Variants in PSD4 observed in about 807,000 individuals in gnomAD.
PSD4 encodes the protein PH and SEC7 domain-containing protein 4.
Under a neutral mutation model 112.5 loss-of-function variants are expected in PSD4, and 59 were observed. The observed-to-expected ratio is 0.52, with a 90% CI of 0.43 to 0.65. The LOEUF (loss-of-function observed/expected upper bound fraction) is 0.65. Ranked by LOEUF, PSD4 falls within the 30% of genes least tolerant of loss-of-function variation. PSD4 has a pLI of 0.00. For synonymous variants in PSD4, 533 were observed against 540.0 expected, an observed-to-expected ratio of 0.99 and a Z score of 0.18; for missense variants, 1,267 against 1,352.6, an observed-to-expected ratio of 0.94 and a Z score of 0.99.
At chr2:113,191,277 T>C (rs1192859276) in intron 5 of PSD4, among the ~76,000 whole-genome samples, 5 of 150,256 alleles carry the variant, frequency 3.3e-5, no homozygotes, top group East Asian at 2.1e-4. Flanking sequence ...TCAGGGATTG[T>C]TTTCTTTTTT....
Position 113,204,838 on chromosome 2 carries a change from G to A in PSD4, c.*3423G>A, listed in dbSNP as rs1688841325. Reference sequence around the variant, plus strand: ...GAGACATATGGAATGTGTCGGGGTTGGAAGGAGCAGGACTGGAGGGTCGGG... The same window carrying A: ...GAGACATATGGAATGTGTCGGGGTTAGAAGGAGCAGGACTGGAGGGTCGGG... On this transcript the variant is annotated 3_prime_UTR_variant, in exon 17 of 17. Coordinates refer to ENST00000245796, the MANE Select transcript of PSD4 (RefSeq NM_012455.3). 1 of 152,274 alleles carries A rather than the reference G, an allele frequency of 6.6e-6. No homozygotes were observed. Among genetic ancestry groups the A allele is most frequent in the South Asian group, 2.1e-4 (1 of 4,830 alleles). 9.4% of individuals were successfully genotyped at this position (152,274 alleles called of 1,614,324 possible).
In PSD4 at chr2:113,197,617, G is replaced by A; in HGVS notation, c.2440G>A (p.Val814Ile). 2 of 1,614,220 alleles carry A rather than the reference G, an allele frequency of 1.2e-6. No homozygotes were observed. Among genetic ancestry groups the A allele is most frequent in the Non-Finnish European group, 1.7e-6 (2 of 1,180,028 alleles). ...GTTCCACACCTTACTGCGAGGGATG[G>A]TTCTCTACTTCCTGAAGGTAGGAAA... ...KMFHTLLRGM[V>I]LYFLKQGEDH... The change falls in exon 13 of 17, where the codon GTT (valine) becomes ATT (isoleucine). Residue 814 changes from valine (V) to isoleucine (I), a missense_variant. This residue lies in a region of PSD4 where 544 missense variants were observed against 648.6 expected (regional missense o/e 0.84). Coordinates refer to ENST00000245796, the MANE Select transcript of PSD4 (RefSeq NM_012455.3).
chr2:113,201,723 C>A lies in PSD4; in HGVS notation c.*308C>A. 2.4e-6 allele frequency: 1 copy of A among 413,036 alleles called. No individual in the cohort carries two copies. Among genetic ancestry groups the A allele is most frequent in the Non-Finnish European group, 4.4e-6 (1 of 225,420 alleles). 25.6% of individuals were successfully genotyped at this position (413,036 alleles called of 1,614,324 possible). Reference sequence around the variant, plus strand: ...GCTCAGCCCATGTCACCCTCCAGGCCCCAGAATCCAGAGTGGCCTCATTTC... The same window carrying A: ...GCTCAGCCCATGTCACCCTCCAGGCACCAGAATCCAGAGTGGCCTCATTTC... On this transcript the variant is annotated 3_prime_UTR_variant, in exon 17 of 17. Transcript: ENST00000245796.
Position 113,201,550 on chromosome 2 carries a change from G to T in PSD4, c.*135G>T. 1 of 1,251,900 alleles carries T rather than the reference G, an allele frequency of 8.0e-7. No individual in the cohort carries two copies. The highest frequency in any genetic ancestry group is 1.1e-6 in the Non-Finnish European group (1 of 910,422). The allele number at this position is 1,251,900 out of a possible 1,614,324, so 77.5% of individuals were successfully genotyped here. A position where few individuals can be genotyped will look rare whatever the true frequency, so the allele number is the denominator to read the frequency against. ...CTTTCCCTGCTGAAGGACAAACCTT[G>T]TTTCCCTGTGGCCCTCATTCTTGTG... is the stretch of plus-strand genomic sequence containing the variant. On this transcript the variant is annotated 3_prime_UTR_variant, in exon 17 of 17. Coordinates refer to ENST00000245796, the MANE Select transcript of PSD4 (RefSeq NM_012455.3).
chr2:113,197,399 T>C lies in PSD4; in HGVS notation c.2387-165T>C, dbSNP rs45453591. 2.2e-3 allele frequency: 1,597 copies of C among 733,860 alleles called. 17 individuals are homozygous for C. In the African/African-American group the frequency reaches 0.025, roughly 11 times the overall value. The allele number at this position is 733,860 out of a possible 1,614,324, so 45.5% of individuals were successfully genotyped here. ...AGAGACTCTATATGTTTGTTTACGA[T>C]TGTATGTGTTTTCTTGTGTTGGCAT... is the stretch of plus-strand genomic sequence containing the variant. On this transcript the variant is annotated intron_variant, in intron 12 of 16. Transcript: ENST00000245796.
chr2:113,196,310 G>A lies in PSD4; in HGVS notation c.2386+3G>A. 1 of 1,610,716 alleles carries A rather than the reference G, an allele frequency of 6.2e-7. No individual in the cohort carries two copies. The highest frequency in any genetic ancestry group is 1.3e-5 in the African/African-American group (1 of 74,980). ...TCAAGATGCAGACGGCAAGAAGAGT[G>A]AGTGTCTGCTGCCCACAAACAGGGT... is the stretch of plus-strand genomic sequence containing the variant. On this transcript the variant is annotated splice_donor_region_variant and intron_variant, in intron 12 of 16. Coordinates refer to ENST00000245796, the MANE Select transcript of PSD4 (RefSeq NM_012455.3).
intron 2 of PSD4, among the ~76,000 whole-genome samples, chr2:113,184,327 T>G (rs1688230615): frequency 6.6e-6 from 1 of 151,354 alleles, no homozygotes. Context: ...GGGCCCCCAG[T>G]GTGGGGCAGT....
Position 113,182,870 on chromosome 2 carries a change from C to A in PSD4, c.414C>A (p.Ser138Arg). 1 of 1,614,136 alleles carries A rather than the reference C, an allele frequency of 6.2e-7. No individual in the cohort carries two copies. Among genetic ancestry groups the A allele is most frequent in the Non-Finnish European group, 8.5e-7 (1 of 1,179,988 alleles). Residue 138 changes from serine to arginine, a missense_variant, in exon 2 of 17, where the codon AGC (serine) becomes AGA (arginine). Ser to Arg is a moderately radical substitution (Grantham distance 110, BLOSUM62 -1). Around this residue, in one of 2 missense-constraint regions of PSD4, gnomAD observed 723 missense variants for 704.0 expected, o/e 1.03. Coordinates refer to ENST00000245796, the MANE Select transcript of PSD4 (RefSeq NM_012455.3). ...CATCACCAGGGTCACCAGTGAACAGCCATCTACCGGGGAGCCCAAAGCAGA... is the reference window on the plus strand; with the variant it reads ...CATCACCAGGGTCACCAGTGAACAGACATCTACCGGGGAGCCCAAAGCAGA... ...NTASPGSPVN[S>R]HLPGSPKQNR...
At chr2:113,179,209 A>G (rs1431485788) in intron 1 of PSD4, among the ~76,000 whole-genome samples, 1 of 152,164 alleles carries the variant, frequency 6.6e-6, no homozygotes, top group East Asian at 1.9e-4. Flanking sequence ...CTTCTGCCTT[A>G]GAAGTAGAAC....
intron 1 of PSD4, among the ~76,000 whole-genome samples, chr2:113,180,214 C>T (rs1017334120): frequency 2.0e-5 from 3 of 152,176 alleles, no homozygotes; most frequent in Non-Finnish European, 2.9e-5. Flanking sequence ...TGGGCCAAGC[C>T]TGGGCTGAAG....
At chr2:113,192,285 G>T (rs909137491) in intron 5 of PSD4, 95 bp from the exon 6 acceptor site, 1 of 1,241,936 alleles carries the variant, frequency 8.1e-7, no homozygotes. Flanking sequence ...CAGCTCCTCC[G>T]GGCCCCACCA....
chr2:113,191,318 C>T (rs971833508), intron 5 of PSD4, among the ~76,000 whole-genome samples: 1 of 152,202 alleles, frequency 6.6e-6, no homozygotes, highest in Non-Finnish European at 1.5e-5. Context: ...CTCTGTTGCC[C>T]AGGCTGGTGT....
intron 4 of PSD4, 144 bp downstream of exon 4, chr2:113,185,584 A>C: frequency 6.4e-7 from 1 of 1,560,704 alleles, no homozygotes; most frequent in South Asian, 1.2e-5. Flanking sequence ...TTGGGGTTAA[A>C]TCCTGCCTCT....
At chr2:113,183,557 A>G in intron 2 of PSD4, 45 bp downstream of exon 2, 2 of 1,468,894 alleles carry the variant, frequency 1.4e-6, no homozygotes, top group Non-Finnish European at 1.8e-6. Flanking sequence ...CTGGGAACAC[A>G]GAAGGGAGGG....
intron 2 of PSD4, 87 bp from the exon 3 acceptor site, chr2:113,184,870 A>T (rs1171137335): frequency 6.4e-7 from 1 of 1,566,356 alleles, no homozygotes; most frequent in East Asian, 2.3e-5. Flanking sequence ...AGGAGGCTTC[A>T]TGGGATTTGA....
chr2:113,192,431 G>A lies in PSD4; in HGVS notation c.1680G>A (p.Met560Ile). 2 of 1,614,206 alleles carry A rather than the reference G, an allele frequency of 1.2e-6. No homozygotes were observed. ...CTTCTTGGCTTCCTGGGAGCCCTAT[G>A]CCCCAAGCACAGTCCCCAGAGGAAG... ...MNSSWLPGSP[M>I]PQAQSPEEGQ... The change falls in exon 6 of 17, where the codon ATG (methionine) becomes ATA (isoleucine). Residue 560 changes from methionine (M) to isoleucine (I), a missense_variant. By Grantham distance (10) the Met-to-Ile change is conservative. This residue lies in a region of PSD4 where 723 missense variants were observed against 704.0 expected (regional missense o/e 1.03). Transcript: ENST00000245796.
intron 1 of PSD4, among the ~76,000 whole-genome samples, chr2:113,177,211 G>T (rs1688002648): frequency 6.6e-6 from 1 of 152,208 alleles, no homozygotes; most frequent in African/African-American, 2.4e-5. Context: ...TGAGGTGATT[G>T]GTCATGGGCA....
rs1408459571 is a variant in PSD4, at chr2:113,198,527, G to A, written c.2625-213G>A. On this transcript the variant is annotated intron_variant, in intron 14 of 16. Coordinates refer to ENST00000245796, the MANE Select transcript of PSD4 (RefSeq NM_012455.3). ...CCTCAGGTGATCCGCCTGCCAAGGC[G>A]TTGCCACCGCACCGGGCCTCCAAAT... 37 of 477,300 alleles carry A rather than the reference G, an allele frequency of 7.8e-5. 1 individual carries two copies. The South Asian group carries it at 1.6e-3, about 20-fold the overall frequency. 29.6% of individuals were successfully genotyped at this position (477,300 alleles called of 1,614,324 possible).
At position 113,185,042 on chromosome 2, in the gene PSD4, T is replaced by G. The variant is rs370023200; in HGVS notation, c.1142T>G (p.Leu381Arg). Residue 381 changes from leucine to arginine, a missense_variant, in exon 3 of 17, where the codon CTT (leucine) becomes CGT (arginine). Coordinates refer to ENST00000245796, the MANE Select transcript of PSD4 (RefSeq NM_012455.3). ...GAATCAGGATGTGTCGGATCTGATCTTGGCCCTGCTGCACATCCTGTGCAA... is the reference window on the plus strand; with the variant it reads ...GAATCAGGATGTGTCGGATCTGATCGTGGCCCTGCTGCACATCCTGTGCAA... ...TWESGCVGSD[L>R]GPAAHPVQPW... 7.8e-5 allele frequency: 126 copies of G among 1,614,154 alleles called. No homozygotes were observed. The highest frequency in any genetic ancestry group is 1.0e-4 in the Non-Finnish European group (120 of 1,180,046).
Sources: allele counts gnomAD v4.1 joint callset (sites outside exome capture counted in the v4.1 genomes callset), GRCh38; gene constraint gnomAD v4.1.1; regional missense constraint gnomAD v4.1.1; transcripts MANE v1.5; gene names NCBI Gene and HGNC (gene_info 2026-07-23, HGNC 2026-07-21).